Variants in MAL observed in about 807,000 individuals in gnomAD.
MAL encodes myelin and lymphocyte protein.
MAL carries 5 observed loss-of-function variants against 16.7 expected under a neutral mutation model. That is an observed-to-expected ratio of 0.30 (90% CI 0.16 to 0.63). The LOEUF is 0.63. Among genes scored for constraint, MAL ranks in the 30% least tolerant of loss-of-function variants. MAL has a pLI of 0.82. For synonymous variants in MAL, 96 were observed against 85.5 expected (o/e 1.12, Z -0.67); for missense variants, 202 against 195.8 (o/e 1.03, Z -0.19).
At chr2:95,036,705 CTGAG>C (rs1310331671) in intron 1 of MAL, among the ~76,000 whole-genome samples, 4 of 148,778 alleles carry the variant, frequency 2.7e-5, no homozygotes, top group African/African-American at 5.0e-5. Flanking sequence ...GAGTGAGTGA[CTGAG>C]TGAGTGACCA....
intron 1 of MAL, among the ~76,000 whole-genome samples, chr2:95,031,463 T>C (rs1674079570): frequency 6.6e-6 from 1 of 152,170 alleles, no homozygotes; most frequent in Non-Finnish European, 1.5e-5. Context: ...CTGCACACCC[T>C]CCACTGACTG....
intron 1 of MAL, among the ~76,000 whole-genome samples, chr2:95,037,732 GTGAC>G (rs1390969025): frequency 1.3e-5 from 2 of 151,902 alleles, no homozygotes; most frequent in Non-Finnish European, 2.9e-5. Flanking sequence ...GAGTCAGTGA[GTGAC>G]TGAGTGGGTG....
At chr2:95,032,795 G>A (rs1674115578) in intron 1 of MAL, among the ~76,000 whole-genome samples, 1 of 152,154 alleles carries the variant, frequency 6.6e-6, no homozygotes, top group South Asian at 2.1e-4. Flanking sequence ...TCCCTTCTTG[G>A]GGTCATGAAC....
chr2:95,048,096 C>T lies in MAL; in HGVS notation c.231C>T (p.Ala77=), dbSNP rs1355714397. The T allele has an allele frequency of 1.9e-6, 3 of 1,613,830 alleles. No homozygotes were observed. Among genetic ancestry groups the T allele is most frequent in the South Asian group, 1.1e-5 (1 of 91,078 alleles). ...TGATCATCCTGTACATAATTGGAGC[C>T]CACGGTGGAGAGACTTCCTGGGTCA... ...TTLIILYIIG[A]HGGETSWVTL... is the part of the protein sequence containing the mutation. The change falls in exon 2 of 4, where the codon GCC becomes GCT. Residue 77 remains alanine, a synonymous_variant. Coordinates refer to ENST00000309988, the MANE Select transcript of MAL (RefSeq NM_002371.4).
At chr2:95,028,186 G>A (rs534169545) in intron 1 of MAL, among the ~76,000 whole-genome samples, 13 of 150,718 alleles carry the variant, frequency 8.6e-5, no homozygotes, top group Admixed American at 7.3e-4. Flanking sequence ...ACCCGGCTTG[G>A]GTGGCTCATG....
intron 1 of MAL, among the ~76,000 whole-genome samples, chr2:95,036,251 T>A (rs527931283): frequency 4.4e-4 from 67 of 152,262 alleles, no homozygotes; most frequent in Middle Eastern, 3.4e-3. Context: ...ATAATCTGCC[T>A]TTTCAGTTGA....
intron 1 of MAL, among the ~76,000 whole-genome samples, chr2:95,032,557 G>A (rs1253359719): frequency 6.6e-6 from 1 of 152,212 alleles, no homozygotes; most frequent in African/African-American, 2.4e-5. Context: ...GTGTTGATGG[G>A]TGTGAGGACA....
intron 3 of MAL, among the ~76,000 whole-genome samples, chr2:95,050,827 A>G (rs769512799): frequency 3.3e-5 from 5 of 152,088 alleles, no homozygotes; most frequent in Non-Finnish European, 7.4e-5. Flanking sequence ...ATCTCCCAAC[A>G]TGGCTGGTTT....
rs1674769461 is a variant in MAL at position 95,053,607 on chromosome 2, T to G, written c.*152T>G. The G allele has an allele frequency of 1.6e-6, 1 of 640,024 alleles. No homozygotes were observed. Among genetic ancestry groups the G allele is most frequent in the African/African-American group, 1.8e-5 (1 of 54,682 alleles). 39.6% of individuals were successfully genotyped at this position (640,024 alleles called of 1,614,324 possible). Reference sequence around the variant, plus strand: ...GCCCAAAAAAAAAAGCCCTGCCCTGTTGCTCGTGGGTGCTGTGTTTACTCT... The same window carrying G: ...GCCCAAAAAAAAAAGCCCTGCCCTGGTGCTCGTGGGTGCTGTGTTTACTCT... On this transcript the variant is annotated 3_prime_UTR_variant, in exon 4 of 4. Coordinates refer to ENST00000309988, the MANE Select transcript of MAL (RefSeq NM_002371.4).
At position 95,049,636 on chromosome 2, in the gene MAL, A is replaced by C. The variant is rs1414880020; in HGVS notation, c.317A>C (p.Glu106Ala). 1 of 1,614,024 alleles carries C rather than the reference A, an allele frequency of 6.2e-7. No individual in the cohort carries two copies. The highest frequency in any genetic ancestry group is 1.3e-5 in the African/African-American group (1 of 74,912). Residue 106 changes from glutamate to alanine, a missense_variant, in exon 3 of 4, where the codon GAG becomes GCG. Transcript: ENST00000309988. ...ALFYLSASVL[E>A]ALATITMQDG... ...TTTTACCTCAGCGCCTCAGTCCTGG[A>C]GGCCCTGGCCACCATCACGATGCAA...
chr2:95,037,638 G>A (rs1282117411), intron 1 of MAL, among the ~76,000 whole-genome samples: 8 of 151,858 alleles, frequency 5.3e-5, no homozygotes, highest in Non-Finnish European at 1.2e-4. Flanking sequence ...GTAAGTGAGT[G>A]AGTGAGCAAG....
intron 1 of MAL, among the ~76,000 whole-genome samples, chr2:95,038,940 CCGAG>C (rs1674348575): frequency 1.0e-5 from 1 of 99,962 alleles, no homozygotes; most frequent in Non-Finnish European, 2.1e-5. Context: ...GAGTGAGTGA[CCGAG>C]TGACTGAGTG....
At chr2:95,046,263 C>G (rs1416739211) in intron 1 of MAL, among the ~76,000 whole-genome samples, 1 of 152,144 alleles carries the variant, frequency 6.6e-6, no homozygotes, top group African/African-American at 2.4e-5. Flanking sequence ...GGAGGGCAGC[C>G]CCATCCTCAG....
intron 1 of MAL, among the ~76,000 whole-genome samples, chr2:95,045,506 T>C (rs757211050): frequency 1.3e-5 from 2 of 152,224 alleles, no homozygotes; most frequent in Non-Finnish European, 1.5e-5. Flanking sequence ...CACCATCACC[T>C]GGTCAGGGAA....
At chr2:95,046,896 A>AAG (rs950577356) in intron 1 of MAL, among the ~76,000 whole-genome samples, 3 of 151,092 alleles carry the variant, frequency 2.0e-5, no homozygotes, top group Admixed American at 1.3e-4. Context: ...AGAGAAAAGA[A>AAG]AGAGAGAGAG....
At chr2:95,030,641 C>T (rs1040155760) in intron 1 of MAL, among the ~76,000 whole-genome samples, 21 of 152,202 alleles carry the variant, frequency 1.4e-4, no homozygotes, top group African/African-American at 4.1e-4. Context: ...AGATCATCTA[C>T]TCAGCCCCCT....
chr2:95,043,525 AAC>A (rs1336291418), intron 1 of MAL, among the ~76,000 whole-genome samples: 1 of 152,190 alleles, frequency 6.6e-6, no homozygotes, highest in East Asian at 1.9e-4. Context: ...CTCCTCTGAG[AAC>A]GGGAGTCCCC....
rs139187744 is a variant in MAL at position 95,053,457 on chromosome 2, G to C, written c.*2G>C. On this transcript the variant is annotated 3_prime_UTR_variant, in exon 4 of 4. Transcript: ENST00000309988. ...TTAATCAGATGGAAGTCTTCATAAA[G>C]CCGCAGTAGAACTTGAGCTGAAAAC... 11 of 1,611,188 alleles carry C rather than the reference G, an allele frequency of 6.8e-6. No homozygotes were observed. In the African/African-American group the frequency reaches 9.3e-5, roughly 14 times the overall value.
chr2:95,037,037 G>A (rs1293883952), intron 1 of MAL, among the ~76,000 whole-genome samples: 6 of 151,026 alleles, frequency 4.0e-5, no homozygotes, highest in Non-Finnish European at 4.4e-5. Context: ...GAGTGACTGA[G>A]TGGGTGAGTG....
Sources: gnomAD v4.1 joint callset for allele counts (sites outside exome capture counted in the v4.1 genomes callset) on GRCh38, gnomAD v4.1.1 for gene constraint, MANE v1.5 for transcripts, NCBI Gene and HGNC (gene_info 2026-07-23, HGNC 2026-07-21) for gene names.